Variants in RNF152 observed in about 807,000 individuals in gnomAD.
The protein encoded by RNF152 is E3 ubiquitin-protein ligase RNF152.
A neutral mutation model predicts 12.7 loss-of-function variants in RNF152; 11 were observed. The observed-to-expected ratio is 0.86, with a 90% confidence interval of 0.54 to 1.43. RNF152 has a LOEUF of 1.43. Among genes scored for constraint, RNF152 ranks in the 40% most tolerant of loss-of-function variants. The probability of loss-of-function intolerance (pLI) is 0.00; values close to 1 mark genes in which losing one functional copy is unlikely to be tolerated. For synonymous variants in RNF152, 113 were observed against 120.3 expected (o/e 0.94, Z 0.40); for missense variants, 255 against 274.8 (o/e 0.93, Z 0.51).
chr18:61,833,322 T>C (rs563243076), intron 1 of RNF152, among the ~76,000 whole-genome samples: 31 of 152,362 alleles, frequency 2.0e-4, no homozygotes, highest in Admixed American at 1.8e-3. Context: ...TCTCAAGTTA[T>C]TGAGTAACTT....
intron 1 of RNF152, among the ~76,000 whole-genome samples, chr18:61,829,597 G>GGAGAGCGA (rs1555700486): frequency 7.0e-6 from 1 of 142,082 alleles, no homozygotes; most frequent in Non-Finnish European, 1.5e-5. Context: ...AGAGAGATAA[G>GGAGAGCGA]GAGAGAGAGA....
intron 1 of RNF152, among the ~76,000 whole-genome samples, chr18:61,854,353 A>G (rs1015547629): frequency 6.6e-6 from 1 of 152,188 alleles, no homozygotes; most frequent in African/African-American, 2.4e-5. Context: ...ATGGGGGAAA[A>G]AAGCAAGCTC....
rs556360498 is a variant in RNF152, at chr18:61,816,455, C to T, written c.9G>A (p.Thr3=). 1.7e-5 allele frequency: 28 copies of T among 1,601,162 alleles called. No homozygotes were observed. In the East Asian group the frequency reaches 2.2e-4, roughly 13 times the overall value. ME[T]LSQDSLLECQ... ...ATTCCAGCAGAGAGTCCTGGGACAGCGTCTCCATGGTGGACCGTGAGCAGG... is the reference window on the plus strand; with the variant it reads ...ATTCCAGCAGAGAGTCCTGGGACAGTGTCTCCATGGTGGACCGTGAGCAGG... The change falls in exon 2 of 2, where the codon ACG becomes ACA. Residue 3 remains threonine (T), a synonymous_variant. Coordinates refer to ENST00000312828, the MANE Select transcript of RNF152 (RefSeq NM_173557.3).
intron 1 of RNF152, among the ~76,000 whole-genome samples, chr18:61,871,427 C>T (rs1289287890): frequency 6.6e-6 from 1 of 152,124 alleles, no homozygotes; most frequent in Non-Finnish European, 1.5e-5. Flanking sequence ...TCATCATCTC[C>T]ATGACCTCTC....
rs146603418 is a variant in RNF152, at chr18:61,817,476, T to C, written c.-135-878A>G. Among the ~76,000 whole-genome samples, 807 of 152,248 alleles carry C rather than the reference T, an allele frequency of 5.3e-3. 6 individuals carry two copies. Among genetic ancestry groups the C allele is most frequent in the Middle Eastern group, 0.01 (3 of 294 alleles). ...AGATACGGTCAGCCCTTTCTATGAG[T>C]GGGTTCTGCATCTGCGACCAAATGA... On this transcript the variant is annotated intron_variant, in intron 1 of 1. Coordinates refer to ENST00000312828, the MANE Select transcript of RNF152 (RefSeq NM_173557.3).
chr18:61,887,164 G>A (rs1234019136), intron 1 of RNF152, among the ~76,000 whole-genome samples: 2 of 152,166 alleles, frequency 1.3e-5, no homozygotes, highest in African/African-American at 4.8e-5. Flanking sequence ...TCAACCTGGG[G>A]AAAACTTGAA....
chr18:61,860,425 A>G (rs1911418089), intron 1 of RNF152, among the ~76,000 whole-genome samples: 1 of 152,232 alleles, frequency 6.6e-6, no homozygotes, highest in African/African-American at 2.4e-5. Flanking sequence ...TGGTCCCATA[A>G]GATTATAATG....
At chr18:61,876,960 G>C (rs1172259789) in intron 1 of RNF152, among the ~76,000 whole-genome samples, 1 of 152,222 alleles carries the variant, frequency 6.6e-6, no homozygotes, top group Non-Finnish European at 1.5e-5. Context: ...GTATCCTCAA[G>C]CCAGATTTGC....
At chr18:61,873,614 A>G (rs58415649) in intron 1 of RNF152, among the ~76,000 whole-genome samples, 4,870 of 152,274 alleles carry the variant, frequency 0.032, 271 homozygotes, top group African/African-American at 0.11. Context: ...GATTACAGGC[A>G]TGAGCCACCA....
At chr18:61,863,912 G>C (rs1911612564) in intron 1 of RNF152, among the ~76,000 whole-genome samples, 2 of 152,206 alleles carry the variant, frequency 1.3e-5, no homozygotes, top group Non-Finnish European at 2.9e-5. Flanking sequence ...AACTTGGGTG[G>C]TGAGCTCCCG....
At chr18:61,822,920 T>C (rs1488303255) in intron 1 of RNF152, among the ~76,000 whole-genome samples, 3 of 152,250 alleles carry the variant, frequency 2.0e-5, no homozygotes, top group Admixed American at 2.0e-4. Flanking sequence ...ATATAAATAT[T>C]TGAAATGGGA....
intron 1 of RNF152, among the ~76,000 whole-genome samples, chr18:61,875,724 T>G (rs1034371441): frequency 6.6e-6 from 1 of 152,132 alleles, no homozygotes; most frequent in Non-Finnish European, 1.5e-5. Flanking sequence ...GTCTCACCAC[T>G]CATTCAATTA....
At chr18:61,872,367 C>A (rs1912032837) in intron 1 of RNF152, among the ~76,000 whole-genome samples, 1 of 152,174 alleles carries the variant, frequency 6.6e-6, no homozygotes, top group Admixed American at 6.5e-5. Context: ...GCTGAAGTTC[C>A]TTCCAGTCCT....
intron 1 of RNF152, among the ~76,000 whole-genome samples, chr18:61,862,647 CCT>C (rs1911540953): frequency 6.6e-6 from 1 of 152,208 alleles, no homozygotes; most frequent in African/African-American, 2.4e-5. Context: ...AGCTCCACAC[CCT>C]GTCCCCCACC....
chr18:61,828,233 G>T (rs1033432426), intron 1 of RNF152, among the ~76,000 whole-genome samples: 1 of 141,128 alleles, frequency 7.1e-6, no homozygotes, highest in East Asian at 2.0e-4. Flanking sequence ...TTGAGTTTGC[G>T]TTTTTTCTTC....
intron 1 of RNF152, among the ~76,000 whole-genome samples, chr18:61,829,044 G>A (rs377551204): frequency 1.3e-5 from 2 of 152,164 alleles, no homozygotes; most frequent in Admixed American, 6.5e-5. Flanking sequence ...AGACCAAGAC[G>A]AGGGGAGGCA....
intron 1 of RNF152, among the ~76,000 whole-genome samples, chr18:61,838,502 G>C (rs776680333): frequency 6.6e-6 from 1 of 152,090 alleles, no homozygotes; most frequent in Non-Finnish European, 1.5e-5. Context: ...AAAGAACCAA[G>C]ATTCAATGAA....
intron 1 of RNF152, among the ~76,000 whole-genome samples, chr18:61,821,289 C>T (rs79260375): frequency 0.048 from 7,317 of 152,296 alleles, 249 homozygotes; most frequent in Non-Finnish European, 0.065. Context: ...CCATTTCCAA[C>T]TCTATCCAAG....
chr18:61,835,516 C>G (rs1196873944), intron 1 of RNF152, among the ~76,000 whole-genome samples: 2 of 152,090 alleles, frequency 1.3e-5, no homozygotes, highest in Non-Finnish European at 2.9e-5. Context: ...CAGGTGGGAA[C>G]AGAGAGGAAA....
Sources: allele counts gnomAD v4.1 joint callset (sites outside exome capture counted in the v4.1 genomes callset), GRCh38; gene constraint gnomAD v4.1.1; transcripts MANE v1.5; gene names NCBI Gene and HGNC (gene_info 2026-07-23, HGNC 2026-07-21).